NDUFAF6: variants seen among roughly 807,000 people sequenced by gnomAD.
The protein encoded by NDUFAF6 is NADH:ubiquinone oxidoreductase complex assembly factor 6, also known as NADH dehydrogenase (ubiquinone) complex I, assembly factor 6.
In NDUFAF6, 45 loss-of-function variants were observed where a neutral mutation model predicts 40.8. That is an observed-to-expected ratio of 1.10 (90% confidence interval 0.87 to 1.42). The LOEUF (loss-of-function observed/expected upper bound fraction) is 1.42, where lower values mean the gene tolerates loss of function less well. NDUFAF6 is among the 40% of genes most tolerant of loss of function. NDUFAF6 has a pLI of 0.00. For synonymous variants in NDUFAF6, 185 were observed against 155.9 expected (o/e 1.19, Z -1.39); for missense variants, 435 against 418.5 (o/e 1.04, Z -0.34).
chr8:95,024,284 C>A (rs984630446), upstream of NDUFAF6, among the ~76,000 whole-genome samples: 1 of 152,222 alleles, frequency 6.6e-6, no homozygotes, highest in Non-Finnish European at 1.5e-5. Flanking sequence ...TCAGCTTCTA[C>A]AATTTTCAAG....
chr8:94,960,867 G>A (rs1276982302), intron 1 of NDUFAF6, among the ~76,000 whole-genome samples: 1 of 152,134 alleles, frequency 6.6e-6, no homozygotes, highest in African/African-American at 2.4e-5. Flanking sequence ...CCTTTTACGG[G>A]TAGCTTTGCT....
chr8:94,930,701 C>T lies in NDUFAF6; in HGVS notation c.-935-14782C>T, dbSNP rs758008415. Reference sequence around the variant, plus strand: ...GAGCTGCAACATAACAATGAATATGCTGCCCCATTTCATTTTGAGCTTCCA... The same window carrying T: ...GAGCTGCAACATAACAATGAATATGTTGCCCCATTTCATTTTGAGCTTCCA... On this transcript the variant is annotated intron_variant, in intron 1 of 14. Transcript: ENST00000396113. 2.5e-6 allele frequency: 4 copies of T among 1,614,156 alleles called. No individual in the cohort carries two copies. In the East Asian group the frequency reaches 6.7e-5, roughly 27 times the overall value.
chr8:94,903,464 A>C (rs74819717), intron 1 of NDUFAF6, among the ~76,000 whole-genome samples: 3,132 of 152,344 alleles, frequency 0.021, 35 homozygotes, highest in African/African-American at 0.032. Flanking sequence ...TTTCAAAAAC[A>C]AAAGCAAATT....
rs373839020 is a variant in NDUFAF6 at position 94,948,455 on chromosome 8, C to T, written c.-799+2836C>T. 9.2e-5 allele frequency among the ~76,000 whole-genome samples: 14 copies of T among 152,328 alleles called. No homozygotes were observed. In the East Asian group the frequency reaches 2.5e-3, roughly 27 times the overall value. On this transcript the variant is annotated intron_variant, in intron 2 of 14. Coordinates refer to the NDUFAF6 transcript ENST00000396113. Reference sequence around the variant, plus strand: ...TCTAAATGTTAAGGGCCAAGGAGAGCGCTCTTTCCACAGGTGCAAAGTCAG... The same window carrying T: ...TCTAAATGTTAAGGGCCAAGGAGAGTGCTCTTTCCACAGGTGCAAAGTCAG...
upstream of NDUFAF6, among the ~76,000 whole-genome samples, chr8:94,956,201 T>C (rs989168196): frequency 2.0e-5 from 3 of 152,212 alleles, no homozygotes; most frequent in Non-Finnish European, 4.4e-5. Context: ...TTTAATACAA[T>C]GCTTGGCACT....
chr8:95,061,183 C>T (rs1832564251), downstream of NDUFAF6, among the ~76,000 whole-genome samples: 1 of 152,144 alleles, frequency 6.6e-6, no homozygotes, highest in Non-Finnish European at 1.5e-5. Flanking sequence ...ACAGAATGTT[C>T]AGAGTTCTTA....
intron 2 of NDUFAF6, among the ~76,000 whole-genome samples, chr8:95,033,527 T>A (rs1829109864): frequency 6.6e-6 from 1 of 152,216 alleles, no homozygotes; most frequent in Admixed American, 6.5e-5. Flanking sequence ...TATACCCACG[T>A]GACATAAAAC....
At chr8:95,098,895 C>T (rs1203145143), upstream of NDUFAF6, among the ~76,000 whole-genome samples, 2 of 152,120 alleles carry the variant, frequency 1.3e-5, no homozygotes, top group African/African-American at 4.8e-5. Context: ...ACACTCCAGC[C>T]TGGGCGACAG....
chr8:94,901,182 G>A (rs1413399426), intron 1 of NDUFAF6, among the ~76,000 whole-genome samples: 6 of 152,172 alleles, frequency 3.9e-5, no homozygotes, highest in Non-Finnish European at 8.8e-5. Context: ...GGCATATTTA[G>A]TGCACAACGA....
intron 1 of NDUFAF6, among the ~76,000 whole-genome samples, chr8:94,976,613 G>T (rs962517459): frequency 2.6e-5 from 4 of 151,746 alleles, no homozygotes; most frequent in African/African-American, 9.7e-5. Context: ...GGTGGAGGTT[G>T]CAGTGAGCCA....
intron 8 of NDUFAF6, among the ~76,000 whole-genome samples, chr8:95,055,024 G>C (rs1418900435): frequency 6.6e-6 from 1 of 152,132 alleles, no homozygotes; most frequent in Non-Finnish European, 1.5e-5. Flanking sequence ...TTGTTACTCA[G>C]TTTATTTACC....
chr8:94,919,870 TA>T (rs1294328177), intron 1 of NDUFAF6, among the ~76,000 whole-genome samples: 1 of 152,212 alleles, frequency 6.6e-6, no homozygotes, highest in African/African-American at 2.4e-5. Flanking sequence ...CAACAAGGTC[TA>T]AAGCATGACA....
intron 3 of NDUFAF6, among the ~76,000 whole-genome samples, chr8:95,040,090 C>T (rs893138972): frequency 1.3e-5 from 2 of 152,098 alleles, no homozygotes; most frequent in Non-Finnish European, 2.9e-5. Flanking sequence ...ATTGTCTTGT[C>T]TCTGTAGTTT....
At chr8:95,009,018 G>A (rs1827119267) in intron 2 of NDUFAF6, among the ~76,000 whole-genome samples, 1 of 151,958 alleles carries the variant, frequency 6.6e-6, no homozygotes, top group South Asian at 2.1e-4. Context: ...GCAATACAGA[G>A]AGATCCCATC....
chr8:94,909,348 CAAAAAAAAAAAA>C (rs556065794), intron 1 of NDUFAF6, among the ~76,000 whole-genome samples: 22 of 91,910 alleles, frequency 2.4e-4, no homozygotes, highest in African/African-American at 1.1e-3. Flanking sequence ...GACTCCGTCT[CAAAAAAAAAAAA>C]AAAAAAAAAA....
intron 1 of NDUFAF6, among the ~76,000 whole-genome samples, chr8:94,972,146 G>A (rs1211832583): frequency 6.6e-6 from 1 of 152,182 alleles, no homozygotes; most frequent in Non-Finnish European, 1.5e-5. Flanking sequence ...CTCCTAGAAA[G>A]CTACTTTCTG....
intron 1 of NDUFAF6, among the ~76,000 whole-genome samples, chr8:94,905,760 T>G (rs1818354178): frequency 6.6e-6 from 1 of 152,186 alleles, no homozygotes; most frequent in Admixed American, 6.5e-5. Context: ...GTGAGTCTTC[T>G]CCTCTTGGGG....
chr8:95,069,098 C>T (rs1436955918), intron 9 of NDUFAF6: 11 of 151,858 alleles, frequency 7.2e-5, no homozygotes, highest in Non-Finnish European at 1.5e-5. Flanking sequence ...TGTGCACAGT[C>T]TCATTGTCAG....
At chr8:95,104,547 T>A (rs1809759594), downstream of NDUFAF6, among the ~76,000 whole-genome samples, 1 of 152,208 alleles carries the variant, frequency 6.6e-6, no homozygotes, top group Admixed American at 6.5e-5. Context: ...CTGGACTGTC[T>A]TTCTCAGCCT....
Sources: gnomAD v4.1 joint callset for allele counts (sites outside exome capture counted in the v4.1 genomes callset) on GRCh38, gnomAD v4.1.1 for gene constraint, MANE v1.5 for transcripts, NCBI Gene and HGNC (gene_info 2026-07-23, HGNC 2026-07-21) for gene names.